EXOC4: variants seen among roughly 807,000 people sequenced by gnomAD.
EXOC4 encodes SEC8-like 1.
EXOC4 carries 71 observed loss-of-function variants against 107.2 expected under a neutral mutation model. The ratio of observed to expected loss-of-function variants is 0.66; its 90% confidence interval spans 0.55 to 0.81. EXOC4 has a LOEUF of 0.81. Among genes scored for constraint, EXOC4 ranks in the 30% least tolerant of loss-of-function variants. The pLI, the probability that EXOC4 is intolerant of heterozygous loss-of-function variation, is 0.00. For missense variants in EXOC4, 1,108 were observed against 1,189.6 expected, an observed-to-expected ratio of 0.93 and a Z score of 1.01; for synonymous variants, 456 against 441.2, an observed-to-expected ratio of 1.03 and a Z score of -0.42.
chr7:133,550,655 G>A (rs960978739), intron 9 of EXOC4, among the ~76,000 whole-genome samples: 6 of 151,968 alleles, frequency 3.9e-5, no homozygotes, highest in African/African-American at 1.5e-4. Context: ...AGAGATAAGC[G>A]TAAGCACCAA....
intron 7 of EXOC4, among the ~76,000 whole-genome samples, chr7:133,404,176 T>G (rs913595053): frequency 6.6e-6 from 1 of 152,194 alleles, no homozygotes; most frequent in African/African-American, 2.4e-5. Flanking sequence ...CTTGGCTCAC[T>G]GCAAGCTCCG....
At chr7:134,069,165 G>C (rs954567921), downstream of EXOC4, among the ~76,000 whole-genome samples, 2 of 152,146 alleles carry the variant, frequency 1.3e-5, no homozygotes, top group Admixed American at 1.3e-4. Context: ...GATCCACTGT[G>C]CCCCACTAGC....
intron 9 of EXOC4, among the ~76,000 whole-genome samples, chr7:133,553,750 A>G (rs1800636316): frequency 1.3e-5 from 2 of 152,108 alleles, no homozygotes; most frequent in South Asian, 4.1e-4. Flanking sequence ...GTATTACCGA[A>G]TTTGATTTTC....
intron 3 of EXOC4, among the ~76,000 whole-genome samples, chr7:133,303,033 A>T (rs184279641): frequency 2.0e-5 from 3 of 152,360 alleles, no homozygotes; most frequent in Admixed American, 2.0e-4. Context: ...GTACCTCCCC[A>T]GTACAACAGA....
At chr7:134,078,030 G>C in the EXOC4 span, among the ~76,000 whole-genome samples, 1 of 152,218 alleles carries the variant, frequency 6.6e-6, no homozygotes, top group African/African-American at 2.4e-5. Context: ...ATCTGGCTGT[G>C]CCTGTTGCTG....
At chr7:133,859,972 G>C (rs1798498894) in intron 11 of EXOC4, among the ~76,000 whole-genome samples, 1 of 152,152 alleles carries the variant, frequency 6.6e-6, no homozygotes, top group African/African-American at 2.4e-5. Context: ...CTGTAGACTA[G>C]AAAACTCCAA....
At chr7:133,723,274 G>A (rs534866949) in intron 10 of EXOC4, among the ~76,000 whole-genome samples, 46 of 152,164 alleles carry the variant, frequency 3.0e-4, no homozygotes, top group Admixed American at 1.8e-3. Context: ...ACTAGCTGGC[G>A]CCTTTGGGCA....
At chr7:133,324,223 T>A (rs905999460) in intron 5 of EXOC4, among the ~76,000 whole-genome samples, 1 of 152,212 alleles carries the variant, frequency 6.6e-6, no homozygotes, top group African/African-American at 2.4e-5. Context: ...AGTTCTGCTC[T>A]GATCTTAGTT....
intron 5 of EXOC4, among the ~76,000 whole-genome samples, chr7:133,342,003 T>G (rs1450187829): frequency 6.6e-6 from 1 of 152,222 alleles, no homozygotes; most frequent in Non-Finnish European, 1.5e-5. Flanking sequence ...TCTGTATCTT[T>G]TACGTGGAGC....
chr7:133,711,756 G>T (rs866807986), intron 10 of EXOC4, among the ~76,000 whole-genome samples: 1 of 152,140 alleles, frequency 6.6e-6, no homozygotes, highest in Admixed American at 6.6e-5. Flanking sequence ...AGATTTCCTG[G>T]TTGGGAGAGA....
chr7:133,803,690 A>G (rs1779810223), intron 10 of EXOC4, among the ~76,000 whole-genome samples: 1 of 152,158 alleles, frequency 6.6e-6, no homozygotes, highest in South Asian at 2.1e-4. Flanking sequence ...CCTTTTCTTT[A>G]TTATCCTGTG....
chr7:133,318,997 A>G (rs1020587516), intron 5 of EXOC4, among the ~76,000 whole-genome samples: 4 of 152,240 alleles, frequency 2.6e-5, no homozygotes, highest in Non-Finnish European at 5.9e-5. Context: ...CTGTGGAATT[A>G]TGAAACAAAA....
At chr7:133,732,589 AC>A in intron 10 of EXOC4, 1 of 153,312 alleles carries the variant, frequency 6.5e-6, no homozygotes. Context: ...CACTACCTTC[AC>A]CATGAAGCCC....
chr7:134,099,320 C>T, the EXOC4 span, among the ~76,000 whole-genome samples: 13 of 152,042 alleles, frequency 8.6e-5, no homozygotes, highest in African/African-American at 2.4e-4. Flanking sequence ...GTCCCTGAAG[C>T]AGGCCATAAA....
At chr7:133,539,804 C>T (rs1016044932) in intron 9 of EXOC4, among the ~76,000 whole-genome samples, 1 of 151,924 alleles carries the variant, frequency 6.6e-6, no homozygotes, top group Non-Finnish European at 1.5e-5. Flanking sequence ...TTGGTCTTTG[C>T]GAAGGAGATC....
intron 1 of EXOC4, among the ~76,000 whole-genome samples, chr7:133,270,194 T>C (rs1309721978): frequency 6.6e-6 from 1 of 152,162 alleles, no homozygotes. Context: ...CCTTCTGCCA[T>C]GATTATGAGG....
chr7:133,513,300 C>T (rs1414706702), intron 9 of EXOC4, among the ~76,000 whole-genome samples: 2 of 152,110 alleles, frequency 1.3e-5, no homozygotes, highest in African/African-American at 4.8e-5. Context: ...AACTCCTGAG[C>T]TCAAGCGATC....
chr7:133,912,417 G>A (rs1467529808), intron 12 of EXOC4, among the ~76,000 whole-genome samples: 2 of 152,092 alleles, frequency 1.3e-5, no homozygotes, highest in African/African-American at 4.8e-5. Flanking sequence ...TTTCAAAGAG[G>A]GACACACCTG....
At chr7:133,622,647 C>T (rs1438412931) in intron 9 of EXOC4, among the ~76,000 whole-genome samples, 1 of 151,994 alleles carries the variant, frequency 6.6e-6, no homozygotes, top group Non-Finnish European at 1.5e-5. Context: ...TATATTGTTT[C>T]TCTTAAGCTT....
Sources: allele counts gnomAD v4.1 joint callset (sites outside exome capture counted in the v4.1 genomes callset), GRCh38; gene constraint gnomAD v4.1.1; transcripts MANE v1.5; gene names NCBI Gene and HGNC (gene_info 2026-07-23, HGNC 2026-07-21).